Variants in DDX4 observed in about 807,000 individuals in gnomAD.
The protein encoded by DDX4 is DEAD-box helicase 4.
Under a neutral mutation model 100.0 loss-of-function variants are expected in DDX4, and 25 were observed. The observed-to-expected ratio is 0.25, with a 90% CI of 0.18 to 0.35. DDX4 has a LOEUF of 0.35. DDX4 is among the 10% of genes least tolerant of loss of function. DDX4 has a pLI of 1.00. For synonymous variants in DDX4, 259 were observed against 275.7 expected (o/e 0.94, Z 0.60); for missense variants, 635 against 882.4 (o/e 0.72, Z 3.55).
rs1238964457 is a variant in DDX4 at position 55,816,580 on chromosome 5, A to C, written c.*40A>C. Reference sequence around the variant, plus strand: ...TCAAGTCTGTGGTTTTGATGCAGAGAAGAAAATAGTTTTGATTTTTGAGTT... The same window carrying C: ...TCAAGTCTGTGGTTTTGATGCAGAGCAGAAAATAGTTTTGATTTTTGAGTT... On this transcript the variant is annotated 3_prime_UTR_variant, in exon 22 of 22. Coordinates refer to ENST00000505374, the MANE Select transcript of DDX4 (RefSeq NM_024415.3). The C allele has an allele frequency of 6.3e-7, 1 of 1,597,802 alleles. No individual in the cohort carries two copies. The highest frequency in any genetic ancestry group is 1.1e-5 in the South Asian group (1 of 87,506).
chr5:55,774,127 TA>T (rs1439549800), intron 7 of DDX4, among the ~76,000 whole-genome samples: 148 of 151,942 alleles, frequency 9.7e-4, no homozygotes, highest in African/African-American at 3.3e-3. Context: ...TGCAAATGTT[TA>T]TTTTTTTTTA....
At chr5:55,740,051 T>G (rs758235230) in intron 2 of DDX4, among the ~76,000 whole-genome samples, 1 of 152,226 alleles carries the variant, frequency 6.6e-6, no homozygotes, top group Non-Finnish European at 1.5e-5. Flanking sequence ...TATAGTTCTC[T>G]TCTCATAATA....
chr5:55,797,753 A>G (rs1400458412), intron 17 of DDX4, among the ~76,000 whole-genome samples: 2 of 152,188 alleles, frequency 1.3e-5, no homozygotes, highest in African/African-American at 4.8e-5. Flanking sequence ...AGACTTCTCA[A>G]TTGCAGCTGA....
At position 55,799,572 on chromosome 5, in the gene DDX4, T is replaced by TA. The variant is rs1743175082; in HGVS notation, c.1615+1002dup. ...TTAGTTTTTGTAGAGATGGGGTTTT[T>TA]ACCATGTTGCCCAGGCTGGTCTTGA... On this transcript the variant is annotated intron_variant, in intron 18 of 21. Transcript: ENST00000505374. 6.6e-5 allele frequency among the ~76,000 whole-genome samples: 10 copies of TA among 152,044 alleles called. No homozygotes were observed. The South Asian group carries it at 2.1e-3, about 32-fold the overall frequency.
intron 2 of DDX4, among the ~76,000 whole-genome samples, chr5:55,742,447 AATTTT>A (rs1759031300): frequency 6.6e-6 from 1 of 152,228 alleles, no homozygotes; most frequent in South Asian, 2.1e-4. Context: ...CCACAATTAT[AATTTT>A]ATTAAGCAGC....
intron 18 of DDX4, among the ~76,000 whole-genome samples, chr5:55,810,794 AT>A (rs1444478584): frequency 6.6e-6 from 1 of 152,130 alleles, no homozygotes; most frequent in Non-Finnish European, 1.5e-5. Context: ...TAAATTTTTA[AT>A]TTGATCTTAA....
At chr5:55,787,090 G>A (rs1483331321) in intron 14 of DDX4, among the ~76,000 whole-genome samples, 1 of 152,180 alleles carries the variant, frequency 6.6e-6, no homozygotes, top group Non-Finnish European at 1.5e-5. Context: ...CTCAGGTTAT[G>A]CTAATTATAA....
rs546581406 is a variant in DDX4, at chr5:55,809,084, C to T, written c.1616-4589C>T. Among the ~76,000 whole-genome samples the T allele has an allele frequency of 7.9e-5, 12 of 152,294 alleles. No individual in the cohort carries two copies. The South Asian group carries it at 1.0e-3, about 13-fold the overall frequency. On this transcript the variant is annotated intron_variant, in intron 18 of 21. Coordinates refer to ENST00000505374, the MANE Select transcript of DDX4 (RefSeq NM_024415.3). ...CTCAGACTGCTGTGCTAGCAATGAGCGAGGCTCCATGGGGGTAGGACCCTT... is the reference window on the plus strand; with the variant it reads ...CTCAGACTGCTGTGCTAGCAATGAGTGAGGCTCCATGGGGGTAGGACCCTT...
At chr5:55,796,796 ACTTTT>A (rs971114636) in intron 17 of DDX4, among the ~76,000 whole-genome samples, 27 of 126,924 alleles carry the variant, frequency 2.1e-4, no homozygotes, top group African/African-American at 5.5e-4. Context: ...AAACTTGAAG[ACTTTT>A]CTTTTCTTTT....
intron 3 of DDX4, among the ~76,000 whole-genome samples, chr5:55,747,775 G>C (rs553483604): frequency 6.6e-6 from 1 of 152,040 alleles, no homozygotes; most frequent in African/African-American, 2.4e-5. Context: ...ATCTACTTCC[G>C]GTGAATTTGA....
chr5:55,771,951 G>A (rs1270748716), intron 7 of DDX4, among the ~76,000 whole-genome samples: 1 of 152,096 alleles, frequency 6.6e-6, no homozygotes, highest in Admixed American at 6.5e-5. Context: ...TAGGCCGGAC[G>A]CGGTGGCTTA....
chr5:55,782,708 A>C (rs1741997481), intron 10 of DDX4, among the ~76,000 whole-genome samples: 1 of 152,136 alleles, frequency 6.6e-6, no homozygotes, highest in Admixed American at 6.5e-5. Flanking sequence ...TTATTAAAAC[A>C]ATATGCTTTT....
At chr5:55,766,761 G>T in intron 6 of DDX4, 1 of 672,520 alleles carries the variant, frequency 1.5e-6, no homozygotes, top group Non-Finnish European at 2.3e-6. Flanking sequence ...TTGACTTAAT[G>T]TTCCCAGATA....
In DDX4 at chr5:55,816,726, A is replaced by G; in HGVS notation, c.*186A>G. On this transcript the variant is annotated 3_prime_UTR_variant, in exon 22 of 22. Coordinates refer to ENST00000505374, the MANE Select transcript of DDX4 (RefSeq NM_024415.3). The stretch of plus-strand genomic sequence containing the variant: ...GAGATGCTAAAACTTACAACATTGC[A>G]GTTACTGATACAAATGGTGTTAACT... 1.0e-6 allele frequency: 1 copy of G among 955,008 alleles called. No individual in the cohort carries two copies. The highest frequency in any genetic ancestry group is 1.5e-6 in the Non-Finnish European group (1 of 680,578). The allele number at this position is 955,008 out of a possible 1,614,324, so 59.2% of individuals were successfully genotyped here.
chr5:55,814,537 T>C (rs1744282213), intron 19 of DDX4, among the ~76,000 whole-genome samples: 1 of 151,778 alleles, frequency 6.6e-6, no homozygotes. Flanking sequence ...TGCCCAGTCA[T>C]CCAGGCTGGA....
intron 17 of DDX4, among the ~76,000 whole-genome samples, chr5:55,795,301 TC>T (rs1219082493): frequency 2.0e-5 from 3 of 152,182 alleles, no homozygotes; most frequent in Non-Finnish European, 4.4e-5. Flanking sequence ...GTGTTTGTTC[TC>T]CCAGATGAAT....
At chr5:55,753,167 G>A (rs531667684) in intron 3 of DDX4, among the ~76,000 whole-genome samples, 1,709 of 152,186 alleles carry the variant, frequency 0.011, 29 homozygotes, top group African/African-American at 0.039. Flanking sequence ...TTCTTTTGCT[G>A]TGCAGAAGCT....
At chr5:55,760,366 T>A in intron 4 of DDX4, 89 bp downstream of exon 4, 2 of 1,353,900 alleles carry the variant, frequency 1.5e-6, no homozygotes, top group Non-Finnish European at 2.0e-6. Context: ...CAAAGCTAAG[T>A]CTGTTGTAAG....
At chr5:55,756,489 C>T (rs561331804) in intron 3 of DDX4, among the ~76,000 whole-genome samples, 2 of 152,102 alleles carry the variant, frequency 1.3e-5, no homozygotes, top group Non-Finnish European at 2.9e-5. Context: ...ACTCTTTGCC[C>T]CTAAGTCTTT....
Sources: allele counts gnomAD v4.1 joint callset (sites outside exome capture counted in the v4.1 genomes callset), GRCh38; gene constraint gnomAD v4.1.1; transcripts MANE v1.5; gene names NCBI Gene and HGNC (gene_info 2026-07-23, HGNC 2026-07-21).